ELOVL2: variants seen among roughly 807,000 people sequenced by gnomAD.
ELOVL2 encodes the protein very long chain fatty acid elongase 2.
Under a neutral mutation model 37.7 loss-of-function variants are expected in ELOVL2, and 38 were observed. That is an observed-to-expected ratio of 1.01 (90% confidence interval 0.78 to 1.32). The LOEUF (loss-of-function observed/expected upper bound fraction) is 1.32. Among genes scored for constraint, ELOVL2 ranks in the 40% most tolerant of loss-of-function variants. The probability of loss-of-function intolerance (pLI) is 0.00; values close to 1 mark genes in which losing one functional copy is unlikely to be tolerated. For synonymous variants in ELOVL2, 115 were observed against 122.3 expected (o/e 0.94, Z 0.40); for missense variants, 352 against 363.6 (o/e 0.97, Z 0.26).
chr6:10,994,842 A>G (rs1165643134), intron 5 of ELOVL2, among the ~76,000 whole-genome samples, 165 bp downstream of exon 5: 1 of 152,226 alleles, frequency 6.6e-6, no homozygotes, highest in Non-Finnish European at 1.5e-5. Flanking sequence ...ACCAGACACT[A>G]GAATACATGA....
chr6:10,984,306 CTGTGCCCAGT>C (rs1184642830), intron 7 of ELOVL2, among the ~76,000 whole-genome samples: 1 of 152,188 alleles, frequency 6.6e-6, no homozygotes, highest in Non-Finnish European at 1.5e-5. Flanking sequence ...GCGTGAGCCA[CTGTGCCCAGT>C]TGGGCACTGG....
chr6:10,995,057 G>C lies in ELOVL2; in HGVS notation c.455C>G (p.Ser152Cys). Residue 152 changes from serine (S) to cysteine (C), a missense_variant, in exon 5 of 8, where the codon TCT becomes TGT. Transcript: ENST00000354666. Reference protein sequence around the residue: ...ITFLHVYHHASMFNIWWCVLN... With the variant: ...ITFLHVYHHACMFNIWWCVLN... ...GACACACCACCAGATGTTAAACATA[G>C]AAGCATGATGATATACATGAAGAAA... 1 of 1,612,950 alleles carries C rather than the reference G, an allele frequency of 6.2e-7. No individual in the cohort carries two copies. The highest frequency in any genetic ancestry group is 8.5e-7 in the Non-Finnish European group (1 of 1,179,322).
chr6:10,986,613 G>T (rs1368360458), intron 7 of ELOVL2, among the ~76,000 whole-genome samples: 1 of 151,994 alleles, frequency 6.6e-6, no homozygotes, highest in East Asian at 1.9e-4. Context: ...TAATCATGTG[G>T]TTTTTGTCTT....
chr6:11,011,246 G>A (rs1468119540), intron 1 of ELOVL2, among the ~76,000 whole-genome samples: 3 of 151,816 alleles, frequency 2.0e-5, no homozygotes, highest in African/African-American at 7.3e-5. Flanking sequence ...GGCACCTGTA[G>A]TCCCAGCTAC....
intron 1 of ELOVL2, among the ~76,000 whole-genome samples, chr6:11,012,434 G>T (rs1782600818): frequency 1.3e-5 from 2 of 152,134 alleles, no homozygotes; most frequent in African/African-American, 4.8e-5. Flanking sequence ...GCTGACCAGA[G>T]GCCTCTCAGT....
At chr6:11,039,481 G>A (rs1783068539) in intron 1 of ELOVL2, among the ~76,000 whole-genome samples, 1 of 152,014 alleles carries the variant, frequency 6.6e-6, no homozygotes, top group African/African-American at 2.4e-5. Context: ...ATATTCCCAG[G>A]GTACATGTGA....
intron 7 of ELOVL2, among the ~76,000 whole-genome samples, chr6:10,987,969 G>A (rs908611515): frequency 1.3e-5 from 2 of 151,776 alleles, no homozygotes; most frequent in African/African-American, 4.8e-5. Flanking sequence ...GATGCAGTTT[G>A]AACCAGCATG....
At position 11,029,057 on chromosome 6, in the gene ELOVL2, C is replaced by CA. The variant is rs61212546; in HGVS notation, c.3+15170dup. On this transcript the variant is annotated intron_variant, in intron 1 of 7. Coordinates refer to ENST00000354666, the MANE Select transcript of ELOVL2 (RefSeq NM_017770.4). ...GCAACACGGCAAAACTTTGTCTCTA[C>CA]AAAAAAAAAAAAAAAAAAAAAAAAG... Among the ~76,000 whole-genome samples the CA allele has an allele frequency of 4.1e-3, 344 of 83,476 alleles. 3 individuals are homozygous for CA. The highest frequency in any genetic ancestry group is 5.6e-3 in the Non-Finnish European group (229 of 40,582). 54.8% of individuals were successfully genotyped at this position (83,476 alleles called of 152,430 possible).
chr6:10,999,310 A>C (rs1471028864), intron 4 of ELOVL2, among the ~76,000 whole-genome samples: 1 of 152,008 alleles, frequency 6.6e-6, no homozygotes, highest in Non-Finnish European at 1.5e-5. Flanking sequence ...AATATAGCAC[A>C]AGGTACATTC....
At chr6:11,041,341 C>T (rs1783094898) in intron 1 of ELOVL2, among the ~76,000 whole-genome samples, 1 of 152,178 alleles carries the variant, frequency 6.6e-6, no homozygotes, top group Admixed American at 6.5e-5. Flanking sequence ...ATGAAAGCAC[C>T]TGAACCTCCC....
chr6:11,041,250 T>C (rs1482771238), intron 1 of ELOVL2, among the ~76,000 whole-genome samples: 1 of 152,136 alleles, frequency 6.6e-6, no homozygotes, highest in Non-Finnish European at 1.5e-5. Context: ...CACCTAACCC[T>C]GAATAGCAGG....
rs1454781645 is a variant in ELOVL2, at chr6:10,982,264, A to G, written c.*1517T>C. 6.6e-6 allele frequency: 1 copy of G among 152,092 alleles called. No individual in the cohort carries two copies. Among genetic ancestry groups the G allele is most frequent in the Non-Finnish European group, 1.5e-5 (1 of 68,018 alleles). The allele number at this position is 152,092 out of a possible 1,614,324, so 9.4% of individuals were successfully genotyped here. A position where few individuals can be genotyped will look rare whatever the true frequency, so the allele number is the denominator to read the frequency against. On this transcript the variant is annotated 3_prime_UTR_variant, in exon 8 of 8. Coordinates refer to ENST00000354666, the MANE Select transcript of ELOVL2 (RefSeq NM_017770.4). ...ATAAAAGTACAATTTTTTTAACAGG[A>G]GAAAGTTTAAAACTAGAGCTCAGGG...
chr6:10,994,988 A>C lies in ELOVL2; in HGVS notation c.505+19T>G, dbSNP rs749117263. ...TAAGAGCCATTCCTCAAAACGGAAA[A>C]ATTAACAAAATAACTTACTTTGTCC... On this transcript the variant is annotated intron_variant, in intron 5 of 7. Coordinates refer to ENST00000354666, the MANE Select transcript of ELOVL2 (RefSeq NM_017770.4). 1.9e-6 allele frequency: 3 copies of C among 1,567,844 alleles called. No individual in the cohort carries two copies. Among genetic ancestry groups the C allele is most frequent in the East Asian group, 4.5e-5 (2 of 44,310 alleles).
chr6:10,987,652 A>AC, intron 7 of ELOVL2, among the ~76,000 whole-genome samples: 1 of 152,186 alleles, frequency 6.6e-6, no homozygotes. Context: ...AAAAATAAAG[A>AC]CCAAAACAAA....
chr6:11,013,272 T>C (rs150549870), intron 1 of ELOVL2, among the ~76,000 whole-genome samples: 1 of 152,230 alleles, frequency 6.6e-6, no homozygotes, highest in African/African-American at 2.4e-5. Context: ...AAAAAGGCAA[T>C]GATGAGATGA....
chr6:11,033,747 C>T (rs1561728748), intron 1 of ELOVL2, among the ~76,000 whole-genome samples: 1 of 152,136 alleles, frequency 6.6e-6, no homozygotes. Flanking sequence ...AAACCTTTAT[C>T]ACTTTTTTTA....
chr6:10,989,481 C>G (rs1782105782), intron 7 of ELOVL2, among the ~76,000 whole-genome samples: 5 of 152,146 alleles, frequency 3.3e-5, no homozygotes, highest in Admixed American at 1.3e-4. Flanking sequence ...GGCGAAACCC[C>G]ATCTGTACTA....
At chr6:10,999,446 G>A (rs1203565915) in intron 4 of ELOVL2, among the ~76,000 whole-genome samples, 1 of 151,460 alleles carries the variant, frequency 6.6e-6, no homozygotes, top group African/African-American at 2.4e-5. Flanking sequence ...CACAATCTCG[G>A]CTCACCACAA....
chr6:11,020,590 C>T (rs191427614), intron 1 of ELOVL2, among the ~76,000 whole-genome samples: 1 of 152,284 alleles, frequency 6.6e-6, no homozygotes, highest in East Asian at 1.9e-4. Context: ...CTCCATTCTG[C>T]TTTATCTGCT....
Sources: gnomAD v4.1 joint callset for allele counts (sites outside exome capture counted in the v4.1 genomes callset) on GRCh38, gnomAD v4.1.1 for gene constraint, MANE v1.5 for transcripts, NCBI Gene and HGNC (gene_info 2026-07-23, HGNC 2026-07-21) for gene names.